The following CDH19 variants were observed in gnomAD, a reference collection of about 807,000 sequenced individuals.
The protein encoded by CDH19 is cadherin 19, also known as cadherin-19.
CDH19 carries 67 observed loss-of-function variants against 64.2 expected under a neutral mutation model. The ratio of observed to expected loss-of-function variants is 1.04; its 90% CI spans 0.86 to 1.28. CDH19 has a LOEUF of 1.28. Among genes scored for constraint, CDH19 ranks in the 50% most tolerant of loss-of-function variants. The probability of loss-of-function intolerance (pLI) is 0.00; values close to 1 mark genes in which losing one functional copy is unlikely to be tolerated. For missense variants in CDH19, 1,030 were observed against 929.0 expected (o/e 1.11, Z -1.41); for synonymous variants, 346 against 319.3 (o/e 1.08, Z -0.89).
intron 1 of CDH19, among the ~76,000 whole-genome samples, chr18:66,574,690 CA>C (rs1254217699): frequency 6.6e-6 from 1 of 151,522 alleles, no homozygotes; most frequent in East Asian, 1.9e-4. Context: ...AAATGTTTAA[CA>C]AAACTTAAGC....
chr18:66,518,343 C>T (rs1263718273), intron 9 of CDH19, among the ~76,000 whole-genome samples: 1 of 152,078 alleles, frequency 6.6e-6, no homozygotes, highest in Non-Finnish European at 1.5e-5. Context: ...AAGCGATTCT[C>T]CTGCCTCAGC....
At position 66,504,886 on chromosome 18, in the gene CDH19, A is replaced by G. The variant is rs1179685652; in HGVS notation, c.2245T>C (p.Tyr749His). Residue 749 changes from tyrosine (Y) to histidine (H), a missense_variant, in exon 12 of 12, where the codon TAC becomes CAC. Transcript: ENST00000262150. The part of the protein sequence containing the change: ...AVSDQDESYD[Y>H]LNELGPRFKR... ...AAGCGAGGTCCCAACTCATTAAGGT[A>G]ATCATAGCTTTCATCCTGATCAGAG... 1.2e-6 allele frequency: 2 copies of G among 1,613,380 alleles called. No homozygotes were observed. Among genetic ancestry groups the G allele is most frequent in the Middle Eastern group, 1.7e-4 (1 of 6,052 alleles).
chr18:66,563,562 T>C (rs1196432414), intron 3 of CDH19, among the ~76,000 whole-genome samples: 6 of 152,134 alleles, frequency 3.9e-5, no homozygotes, highest in Middle Eastern at 6.8e-3. Flanking sequence ...TTAAGATGAA[T>C]GAGGTGATCA....
intron 1 of CDH19, among the ~76,000 whole-genome samples, chr18:66,599,243 AT>A (rs1030672485): frequency 3.3e-5 from 5 of 151,934 alleles, no homozygotes; most frequent in East Asian, 1.9e-4. Flanking sequence ...TATTTTGGGG[AT>A]TTTTTTTAAT....
chr18:66,543,180 C>T (rs986076802), intron 7 of CDH19, among the ~76,000 whole-genome samples: 2 of 152,094 alleles, frequency 1.3e-5, no homozygotes, highest in Admixed American at 1.3e-4. Context: ...TGCCCGCCGC[C>T]ACGCCTGGCT....
chr18:66,584,876 T>C (rs1199139945), intron 1 of CDH19, among the ~76,000 whole-genome samples: 1 of 152,088 alleles, frequency 6.6e-6, no homozygotes, highest in East Asian at 1.9e-4. Flanking sequence ...AAAACACTGT[T>C]TTACTTCTAA....
Position 66,572,152 on chromosome 18 carries a change from G to A in CDH19, c.53C>T (p.Pro18Leu). 2 of 1,611,350 alleles carry A rather than the reference G, an allele frequency of 1.2e-6. No homozygotes were observed. The highest frequency in any genetic ancestry group is 2.2e-5 in the East Asian group (1 of 44,792). ...RFMLGIPLLW[P>L]CLGATENSQT... ...AGAGTTTTCTGTTGCTCCAAGACAA[G>A]GCCATAGGAGAGGAATTCCCAACAT... is the stretch of plus-strand genomic sequence containing the variant. Residue 18 changes from proline (P) to leucine (L), a missense_variant, in exon 2 of 12, where the codon CCT becomes CTT. By Grantham distance (98) the Pro-to-Leu change is moderately conservative (BLOSUM62 -3). Coordinates refer to ENST00000262150, the MANE Select transcript of CDH19 (RefSeq NM_021153.4).
At chr18:66,539,625 T>C (rs971439974) in intron 7 of CDH19, among the ~76,000 whole-genome samples, 1 of 152,118 alleles carries the variant, frequency 6.6e-6, no homozygotes, top group Non-Finnish European at 1.5e-5. Context: ...GCACTCCAGT[T>C]GATAAGGATA....
chr18:66,504,651 AG>A lies in CDH19; in HGVS notation c.*160del. The A allele has an allele frequency of 1.7e-6, 1 of 602,146 alleles. No individual in the cohort carries two copies. Among genetic ancestry groups the A allele is most frequent in the South Asian group, 2.9e-5 (1 of 34,232 alleles). The allele number at this position is 602,146 out of a possible 1,614,324, so 37.3% of individuals were successfully genotyped here. On this transcript the variant is annotated 3_prime_UTR_variant, in exon 12 of 12. Transcript: ENST00000262150. ...ACATCTCTGTTCAATGACAGCATGT[AG>A]GTAGCTTAAAATAACCATGGAGTAT...
intron 8 of CDH19, among the ~76,000 whole-genome samples, chr18:66,534,699 T>C (rs1054956557): frequency 5.9e-5 from 9 of 151,982 alleles, no homozygotes; most frequent in Non-Finnish European, 1.2e-4. Context: ...TCCACCTAAA[T>C]AAACAAGCAG....
intron 1 of CDH19, among the ~76,000 whole-genome samples, chr18:66,599,023 A>G (rs977738225): frequency 1.8e-4 from 27 of 152,106 alleles, no homozygotes; most frequent in Non-Finnish European, 2.9e-4. Context: ...TTGAATGTTT[A>G]GCCTCTTTCA....
At chr18:66,583,967 A>G (rs895158158) in intron 1 of CDH19, among the ~76,000 whole-genome samples, 9 of 152,148 alleles carry the variant, frequency 5.9e-5, no homozygotes, top group Admixed American at 5.2e-4. Context: ...CAAAGACACC[A>G]AAAGCGATCA....
intron 1 of CDH19, among the ~76,000 whole-genome samples, chr18:66,602,152 T>C (rs898475495): frequency 1.3e-5 from 2 of 151,990 alleles, no homozygotes; most frequent in Middle Eastern, 3.2e-3. Context: ...AAAGAAGGTA[T>C]ATAGAAAGAT....
chr18:66,597,641 A>G (rs1988935552), intron 1 of CDH19, among the ~76,000 whole-genome samples: 1 of 152,220 alleles, frequency 6.6e-6, no homozygotes, highest in South Asian at 2.1e-4. Context: ...AGCAAAAGAA[A>G]GTATCAACGG....
intron 11 of CDH19, among the ~76,000 whole-genome samples, chr18:66,506,778 A>G (rs1358380586): frequency 1.3e-5 from 2 of 151,916 alleles, no homozygotes; most frequent in Non-Finnish European, 2.9e-5. Context: ...GATTTGAAAC[A>G]CACATGAAGT....
chr18:66,538,956 A>G (rs1018008782), intron 7 of CDH19, among the ~76,000 whole-genome samples: 2 of 151,960 alleles, frequency 1.3e-5, no homozygotes, highest in African/African-American at 4.8e-5. Flanking sequence ...TACCTCCACA[A>G]TTACTCTATT....
intron 9 of CDH19, among the ~76,000 whole-genome samples, chr18:66,519,412 T>C (rs1248458290): frequency 1.3e-5 from 2 of 152,164 alleles, no homozygotes; most frequent in South Asian, 4.1e-4. Flanking sequence ...ATTTTTGAAA[T>C]GAGGAGATTA....
At chr18:66,535,986 T>C (rs1056348800) in intron 7 of CDH19, among the ~76,000 whole-genome samples, 3 of 148,530 alleles carry the variant, frequency 2.0e-5, no homozygotes, top group Non-Finnish European at 4.5e-5. Context: ...AATGTGCTTT[T>C]AGATTGTGCA....
intron 1 of CDH19, among the ~76,000 whole-genome samples, chr18:66,585,972 A>G (rs1241458386): frequency 6.6e-6 from 1 of 152,124 alleles, no homozygotes; most frequent in Admixed American, 6.6e-5. Context: ...GGGATGAAAA[A>G]TATTATAATC....
Sources: allele counts gnomAD v4.1 joint callset (sites outside exome capture counted in the v4.1 genomes callset), GRCh38; gene constraint gnomAD v4.1.1; transcripts MANE v1.5; gene names NCBI Gene and HGNC (gene_info 2026-07-23, HGNC 2026-07-21).